FBXO34: variants seen among roughly 807,000 people sequenced by gnomAD.
The protein encoded by FBXO34 is F-box only protein 34.
FBXO34 carries 12 observed loss-of-function variants against 24.5 expected under a neutral mutation model. That is an observed-to-expected ratio of 0.49 (90% confidence interval 0.31 to 0.79). FBXO34 has a LOEUF of 0.79. Ranked by LOEUF, FBXO34 falls within the 30% of genes least tolerant of loss-of-function variation. The pLI, the probability that FBXO34 is intolerant of heterozygous loss-of-function variation, is 0.04. For synonymous variants in FBXO34, 320 were observed against 311.9 expected (o/e 1.03, Z -0.27); for missense variants, 823 against 857.7 (o/e 0.96, Z 0.51).
At chr14:55,433,822 G>A in the FBXO34 span, 3 of 992,614 alleles carry the variant, frequency 3.0e-6, no homozygotes, top group Non-Finnish European at 4.5e-6. Flanking sequence ...CAGATTGGAT[G>A]GGAAAACTAA....
chr14:55,409,914 TTA>T, the FBXO34 span, among the ~76,000 whole-genome samples: 1 of 152,102 alleles, frequency 6.6e-6, no homozygotes, highest in African/African-American at 2.4e-5. Flanking sequence ...GGAAATAAGT[TTA>T]TGTCTCTGGT....
At chr14:55,431,773 A>G in the FBXO34 span, among the ~76,000 whole-genome samples, 1 of 152,246 alleles carries the variant, frequency 6.6e-6, no homozygotes, top group Non-Finnish European at 1.5e-5. Flanking sequence ...ACATTGAAAC[A>G]AAATTCTAGA....
the FBXO34 span, chr14:55,411,793 C>T: frequency 4.4e-6 from 7 of 1,600,426 alleles, no homozygotes; most frequent in South Asian, 1.1e-5. Context: ...CCTCCAGCGC[C>T]CGGGCTCCCT....
the FBXO34 span, among the ~76,000 whole-genome samples, chr14:55,426,209 A>G: frequency 1.3e-5 from 2 of 151,870 alleles, no homozygotes; most frequent in Non-Finnish European, 2.9e-5. Flanking sequence ...TGGAGGTTGC[A>G]GTGAGCTGAA....
In FBXO34 at chr14:55,321,236, T is replaced by TAATATAAGG. The variant is rs563035746; in HGVS notation, c.-10-29139_-10-29131dup. ...TTATCAGGAATATTTGGCCATCTTG[T>TAATATAAGG]AATATAAGGAATATCAGAAGGATAT... is the stretch of plus-strand genomic sequence containing the variant. On this transcript the variant is annotated intron_variant, in intron 1 of 1. Coordinates refer to ENST00000313833, the MANE Select transcript of FBXO34 (RefSeq NM_017943.4). 8.0e-3 allele frequency among the ~76,000 whole-genome samples: 1,208 copies of TAATATAAGG among 151,884 alleles called. 3 individuals carry two copies. Among genetic ancestry groups the TAATATAAGG allele is most frequent in the Non-Finnish European group, 0.011 (771 of 67,938 alleles).
the FBXO34 span, among the ~76,000 whole-genome samples, chr14:55,429,390 T>TG: frequency 6.6e-6 from 1 of 152,188 alleles, no homozygotes; most frequent in Non-Finnish European, 1.5e-5. Context: ...CAATCTGTCT[T>TG]TTAACAAGCC....
At chr14:55,316,459 G>A (rs549722003) in intron 1 of FBXO34, among the ~76,000 whole-genome samples, 2 of 151,580 alleles carry the variant, frequency 1.3e-5, no homozygotes, top group Admixed American at 6.6e-5. Context: ...GGGTGTAGTG[G>A]TTCACACCTG....
At chr14:55,402,959 A>G in the FBXO34 span, among the ~76,000 whole-genome samples, 1 of 76,830 alleles carries the variant, frequency 1.3e-5, no homozygotes, top group African/African-American at 4.3e-5. Flanking sequence ...ATATATATAT[A>G]TATATATATA....
chr14:55,435,401 G>A, the FBXO34 span, among the ~76,000 whole-genome samples: 1 of 150,976 alleles, frequency 6.6e-6, no homozygotes, highest in Admixed American at 6.6e-5. Context: ...TCAACCTCCT[G>A]AGTAGCTGGG....
chr14:55,350,573 A>ATT lies in FBXO34; in HGVS notation c.185_186dup (p.Gly63LeufsTer12), dbSNP rs1884320571. 6.2e-7 allele frequency: 1 copy of ATT among 1,612,926 alleles called. No individual in the cohort carries two copies. ...TCGGTAAAGCATCATCTCGAAAGCC[A>ATT]TTTGGGATCCTTTCTCCAAATGTTC... On this transcript the variant is annotated frameshift_variant, in exon 2 of 2. Transcript: ENST00000313833. LOFTEE classifies it low-confidence loss of function (END_TRUNC).
At chr14:55,278,175 A>G (rs1881407463) in intron 1 of FBXO34, among the ~76,000 whole-genome samples, 2 of 152,156 alleles carry the variant, frequency 1.3e-5, no homozygotes. Context: ...AAACCTTAGC[A>G]TTGCCTATAT....
At chr14:55,384,176 T>G in the FBXO34 span, among the ~76,000 whole-genome samples, 1 of 152,288 alleles carries the variant, frequency 6.6e-6, no homozygotes, top group South Asian at 2.1e-4. Context: ...TTTTAAAAAA[T>G]TAATGGCATA....
At chr14:55,271,683 C>T (rs1367985360) in intron 1 of FBXO34, 146 bp downstream of exon 1, 1 of 149,794 alleles carries the variant, frequency 6.7e-6, no homozygotes, top group Non-Finnish European at 1.5e-5. Context: ...GGGGGCGCCG[C>T]CCGCGGGTCC....
chr14:55,272,419 T>G (rs1364282999), intron 1 of FBXO34: 1 of 151,872 alleles, frequency 6.6e-6, no homozygotes, highest in African/African-American at 2.4e-5. Context: ...TTTTGGAGGG[T>G]GTAATGTAAA....
chr14:55,421,159 G>A, the FBXO34 span, among the ~76,000 whole-genome samples: 2 of 151,836 alleles, frequency 1.3e-5, no homozygotes, highest in African/African-American at 4.8e-5. Flanking sequence ...AACTTTGCCT[G>A]TATTTGGCAA....
downstream of FBXO34, among the ~76,000 whole-genome samples, chr14:55,353,988 A>T (rs1383474296): frequency 1.3e-5 from 2 of 152,158 alleles, no homozygotes; most frequent in Non-Finnish European, 2.9e-5. Flanking sequence ...AGATCTAAAA[A>T]CTAGGCTGGC....
At chr14:55,366,266 C>T (rs1458430187), downstream of FBXO34, 3 of 152,436 alleles carry the variant, frequency 2.0e-5, no homozygotes, top group Non-Finnish European at 2.9e-5. Context: ...TCTTACCTGG[C>T]AAAAAAATTC....
downstream of FBXO34, among the ~76,000 whole-genome samples, chr14:55,357,032 A>G (rs187877062): frequency 8.5e-5 from 13 of 152,282 alleles, no homozygotes; most frequent in East Asian, 2.5e-3. Flanking sequence ...GAGTTGGTCA[A>G]GGTACCTGTG....
intron 1 of FBXO34, among the ~76,000 whole-genome samples, chr14:55,281,486 G>A (rs1422508623): frequency 2.0e-5 from 3 of 152,072 alleles, no homozygotes; most frequent in Non-Finnish European, 4.4e-5. Flanking sequence ...ATTCCAGCGG[G>A]ATGATGTTAC....
Sources: allele counts gnomAD v4.1 joint callset (sites outside exome capture counted in the v4.1 genomes callset), GRCh38; gene constraint gnomAD v4.1.1; transcripts MANE v1.5; gene names NCBI Gene and HGNC (gene_info 2026-07-23, HGNC 2026-07-21).